MSRA: variants seen among roughly 807,000 people sequenced by gnomAD.
The protein encoded by MSRA is methionine sulfoxide reductase A.
A neutral mutation model predicts 31.3 loss-of-function variants in MSRA; 54 were observed. That is an observed-to-expected ratio of 1.73 (90% CI 1.39 to 2.17). MSRA has a LOEUF of 2.17. Ranked by LOEUF, MSRA falls within the 30% of genes most tolerant of loss-of-function variation. The pLI is 0.00. For synonymous variants in MSRA, 169 were observed against 116.5 expected (o/e 1.45, Z -2.90); for missense variants, 507 against 300.9 (o/e 1.69, Z -5.07).
chr8:10,107,408 T>G (rs1799961509), intron 1 of MSRA, among the ~76,000 whole-genome samples: 2 of 152,202 alleles, frequency 1.3e-5, no homozygotes, highest in African/African-American at 4.8e-5. Context: ...GAGAAATAGA[T>G]GCTAGAATCT....
intron 5 of MSRA, among the ~76,000 whole-genome samples, chr8:10,419,708 G>C (rs1808696466): frequency 6.6e-6 from 1 of 152,336 alleles, no homozygotes; most frequent in South Asian, 2.1e-4. Flanking sequence ...TACTTGGGAA[G>C]TTGGTGGCGC....
At chr8:10,105,969 T>C (rs1271515448) in intron 1 of MSRA, among the ~76,000 whole-genome samples, 1 of 152,246 alleles carries the variant, frequency 6.6e-6, no homozygotes, top group Non-Finnish European at 1.5e-5. Flanking sequence ...CTAGTAACCA[T>C]GTATATGAAA....
chr8:10,081,497 A>G (rs1168373143), intron 1 of MSRA, among the ~76,000 whole-genome samples: 1 of 151,862 alleles, frequency 6.6e-6, no homozygotes, highest in Admixed American at 6.5e-5. Context: ...ACTCCTTTTC[A>G]TTTATTTTTT....
At chr8:10,188,606 G>A (rs1432751009) in intron 1 of MSRA, among the ~76,000 whole-genome samples, 1 of 152,180 alleles carries the variant, frequency 6.6e-6, no homozygotes, top group African/African-American at 2.4e-5. Context: ...AAGAGTTGGG[G>A]TTTATTTTGT....
At chr8:10,189,175 C>G (rs1807306916) in intron 1 of MSRA, among the ~76,000 whole-genome samples, 1 of 152,128 alleles carries the variant, frequency 6.6e-6, no homozygotes, top group Admixed American at 6.5e-5. Context: ...TTTGTTGCTA[C>G]TATGTAAAAT....
At chr8:10,356,491 C>T (rs1002381576) in intron 5 of MSRA, among the ~76,000 whole-genome samples, 4 of 152,190 alleles carry the variant, frequency 2.6e-5, no homozygotes, top group East Asian at 1.9e-4. Flanking sequence ...CATTTCTTTA[C>T]GGATTTGTCA....
At chr8:10,187,272 AG>A (rs1807137831) in intron 1 of MSRA, among the ~76,000 whole-genome samples, 1 of 152,170 alleles carries the variant, frequency 6.6e-6, no homozygotes. Context: ...AGTGTCTTGA[AG>A]GGTTTCCTTT....
intron 5 of MSRA, among the ~76,000 whole-genome samples, chr8:10,360,006 T>A (rs983124696): frequency 1.3e-5 from 2 of 152,206 alleles, no homozygotes; most frequent in Non-Finnish European, 2.9e-5. Flanking sequence ...GTTATTTCTA[T>A]CTGCTCAATT....
chr8:10,242,405 C>G (rs1289107432), intron 2 of MSRA, among the ~76,000 whole-genome samples: 2 of 152,078 alleles, frequency 1.3e-5, no homozygotes, highest in African/African-American at 4.8e-5. Context: ...ATAACGGTTG[C>G]TTTTTGGGCT....
At position 10,210,906 on chromosome 8, in the gene MSRA, T is replaced by C. The variant is rs570785249; in HGVS notation, c.211+3005T>C. Reference sequence around the variant, plus strand: ...GCATCACCACGCTCACCTTTTTTTTTTTTATTTTTAGTAGAGATGGGGTTT... The same window carrying C: ...GCATCACCACGCTCACCTTTTTTTTCTTTATTTTTAGTAGAGATGGGGTTT... On this transcript the variant is annotated intron_variant, in intron 2 of 5. Coordinates refer to ENST00000317173, the MANE Select transcript of MSRA (RefSeq NM_012331.5). Among the ~76,000 whole-genome samples, 10 of 151,880 alleles carry C rather than the reference T, an allele frequency of 6.6e-5. No individual in the cohort carries two copies. In the East Asian group the frequency reaches 1.9e-3, roughly 29 times the overall value.
intron 3 of MSRA, among the ~76,000 whole-genome samples, chr8:10,258,170 C>T (rs888985663): frequency 2.0e-5 from 3 of 152,142 alleles, no homozygotes; most frequent in Non-Finnish European, 4.4e-5. Flanking sequence ...GTGTAAACCC[C>T]CATAATTAGT....
chr8:10,307,028 G>A (rs1355664524), intron 4 of MSRA, among the ~76,000 whole-genome samples: 1 of 152,166 alleles, frequency 6.6e-6, no homozygotes, highest in Non-Finnish European at 1.5e-5. Flanking sequence ...GAGCAATGAG[G>A]TTCCAAAAGA....
intron 3 of MSRA, among the ~76,000 whole-genome samples, chr8:10,300,164 A>C (rs1800765727): frequency 1.3e-5 from 2 of 151,466 alleles, no homozygotes; most frequent in African/African-American, 4.9e-5. Flanking sequence ...GCGTGCATGC[A>C]CACATCTGGT....
At chr8:10,165,454 A>G (rs1805043763) in intron 1 of MSRA, among the ~76,000 whole-genome samples, 1 of 152,180 alleles carries the variant, frequency 6.6e-6, no homozygotes, top group Non-Finnish European at 1.5e-5. Context: ...AAAATTTTAG[A>G]TAATTGTTTT....
At chr8:10,172,775 G>A (rs570275282) in intron 1 of MSRA, among the ~76,000 whole-genome samples, 11 of 152,318 alleles carry the variant, frequency 7.2e-5, no homozygotes, top group Non-Finnish European at 1.3e-4. Context: ...CAGGTTGCCT[G>A]TAGCTCACCC....
intron 5 of MSRA, among the ~76,000 whole-genome samples, chr8:10,390,566 C>T (rs1022839245): frequency 5.3e-5 from 8 of 152,142 alleles, no homozygotes; most frequent in Non-Finnish European, 7.3e-5. Context: ...GTGAAATCGT[C>T]GTACATCTGC....
At chr8:10,097,597 C>G (rs1350157936) in intron 1 of MSRA, among the ~76,000 whole-genome samples, 2 of 152,138 alleles carry the variant, frequency 1.3e-5, no homozygotes, top group African/African-American at 2.4e-5. Context: ...AAACATTTAA[C>G]ATAACTTCTT....
intron 5 of MSRA, among the ~76,000 whole-genome samples, chr8:10,387,749 C>T (rs182527451): frequency 6.6e-6 from 1 of 152,182 alleles, no homozygotes; most frequent in Non-Finnish European, 1.5e-5. Flanking sequence ...AGTCTTTTCT[C>T]CTGTAGTTCA....
At chr8:10,284,067 G>A (rs1799802212) in intron 3 of MSRA, among the ~76,000 whole-genome samples, 1 of 151,770 alleles carries the variant, frequency 6.6e-6, no homozygotes, top group Non-Finnish European at 1.5e-5. Context: ...GTTTGTTAAG[G>A]AATCTCCACA....
Sources: allele counts gnomAD v4.1 joint callset (sites outside exome capture counted in the v4.1 genomes callset), GRCh38; gene constraint gnomAD v4.1.1; transcripts MANE v1.5; gene names NCBI Gene and HGNC (gene_info 2026-07-23, HGNC 2026-07-21).